PALD1: variants seen among roughly 807,000 people sequenced by gnomAD.
PALD1 encodes the protein phosphatase domain containing paladin 1, also known as paladin.
Under a neutral mutation model 96.0 loss-of-function variants are expected in PALD1, and 57 were observed. The observed-to-expected ratio is 0.59, with a 90% CI of 0.48 to 0.74. PALD1 has a LOEUF of 0.74. PALD1 is among the 30% of genes least tolerant of loss of function. PALD1 has a pLI of 0.00. For synonymous variants in PALD1, 464 were observed against 473.6 expected (o/e 0.98, Z 0.26); for missense variants, 1,063 against 1,143.7 (o/e 0.93, Z 1.02).
chr10:70,566,426 A>G (rs1238130972), intron 19 of PALD1, among the ~76,000 whole-genome samples, 155 bp from the exon 20 acceptor site: 1 of 152,094 alleles, frequency 6.6e-6, no homozygotes, highest in East Asian at 1.9e-4. Flanking sequence ...CCTTGCTATG[A>G]GGAAACTGAC....
In PALD1 at chr10:70,537,902, A is replaced by G; in HGVS notation, c.1319A>G (p.Glu440Gly). Residue 440 changes from glutamate (E) to glycine (G), a missense_variant, in exon 11 of 20, where the codon GAG (glutamate) becomes GGG (glycine). Coordinates refer to ENST00000263563, the MANE Select transcript of PALD1 (RefSeq NM_014431.3). ...YLILFNYYLHEQYPLAFALSF... is the reference protein window; with the variant it reads ...YLILFNYYLHGQYPLAFALSF... Reference sequence around the variant, plus strand: ...ATCCTGTTTAACTACTACCTTCATGAGCAGGTGGGGCCTGGGAGGAGCAGA... The same window carrying G: ...ATCCTGTTTAACTACTACCTTCATGGGCAGGTGGGGCCTGGGAGGAGCAGA... 6.2e-7 allele frequency: 1 copy of G among 1,606,752 alleles called. No individual in the cohort carries two copies. Among genetic ancestry groups the G allele is most frequent in the Non-Finnish European group, 8.5e-7 (1 of 1,173,458 alleles).
chr10:70,469,664 C>T, the PALD1 span, among the ~76,000 whole-genome samples: 1 of 151,816 alleles, frequency 6.6e-6, no homozygotes, highest in African/African-American at 2.4e-5. Flanking sequence ...TCAGCTAGCA[C>T]CACAAGAAAG....
At chr10:70,475,688 T>C (rs1312877847), upstream of PALD1, among the ~76,000 whole-genome samples, 1 of 152,196 alleles carries the variant, frequency 6.6e-6, no homozygotes, top group Non-Finnish European at 1.5e-5. Context: ...AAATCATTTT[T>C]GGCTTGAGTG....
chr10:70,501,426 C>T (rs4746041), intron 1 of PALD1, among the ~76,000 whole-genome samples: 44,328 of 152,088 alleles, frequency 0.29, 7,066 homozygotes, highest in East Asian at 0.47. Flanking sequence ...TGCAGGAGAG[C>T]GAGGCTCAGA....
chr10:70,495,115 G>T (rs572427649), intron 1 of PALD1, among the ~76,000 whole-genome samples: 4 of 152,172 alleles, frequency 2.6e-5, no homozygotes, highest in African/African-American at 9.7e-5. Context: ...TCTTCCCACC[G>T]CAGGGCATCT....
intron 4 of PALD1, 37 bp from the exon 5 acceptor site, chr10:70,531,253 A>G (rs1354865584): frequency 1.3e-6 from 2 of 1,590,532 alleles, no homozygotes; most frequent in East Asian, 2.2e-5. Context: ...GTGCGGGATC[A>G]TGATGATGGC....
chr10:70,509,045 C>T (rs1294261783), intron 1 of PALD1, among the ~76,000 whole-genome samples: 3 of 152,198 alleles, frequency 2.0e-5, no homozygotes, highest in Non-Finnish European at 4.4e-5. Context: ...GCCACTCGGC[C>T]CTCTGCCGTC....
intron 18 of PALD1, among the ~76,000 whole-genome samples, chr10:70,548,043 C>A (rs1352028643): frequency 6.6e-6 from 1 of 152,104 alleles, no homozygotes; most frequent in African/African-American, 2.4e-5. Context: ...CAGTGGCTCA[C>A]CCCTGTAATC....
chr10:70,562,145 A>AT (rs779759507), intron 18 of PALD1, among the ~76,000 whole-genome samples: 109 of 152,266 alleles, frequency 7.2e-4, no homozygotes, highest in South Asian at 1.5e-3. Flanking sequence ...GTGAGTTTAA[A>AT]TGGCAGAACC....
At chr10:70,557,930 C>CTTTTTTT (rs781513750) in intron 18 of PALD1, among the ~76,000 whole-genome samples, 12,784 of 92,286 alleles carry the variant, frequency 0.14, 2,045 homozygotes, top group Non-Finnish European at 0.18. Context: ...TTGGCTCTTC[C>CTTTTTTT]TTTTTTTTTT....
intron 1 of PALD1, among the ~76,000 whole-genome samples, chr10:70,500,955 T>C (rs1357478832): frequency 6.6e-6 from 1 of 152,206 alleles, no homozygotes; most frequent in African/African-American, 2.4e-5. Context: ...CCTTGGCCTC[T>C]GTATGCCCAC....
At chr10:70,521,580 T>C (rs967072804) in intron 1 of PALD1, among the ~76,000 whole-genome samples, 6 of 152,072 alleles carry the variant, frequency 3.9e-5, no homozygotes, top group African/African-American at 1.4e-4. Flanking sequence ...TCGCCCAGGC[T>C]GAAGTGCAGT....
rs746851181 is a variant in PALD1 at position 70,531,464 on chromosome 10, A to C, written c.633+10A>C. 12 of 1,608,702 alleles carry C rather than the reference A, an allele frequency of 7.5e-6. No individual in the cohort carries two copies. Among genetic ancestry groups the C allele is most frequent in the Non-Finnish European group, 1.0e-5 (12 of 1,176,474 alleles). Reference sequence around the variant, plus strand: ...GGCCATCCGGAAAGAGGTGAGGACCAGTGCGGTGTGCGGGAGACCCCAGCC... The same window carrying C: ...GGCCATCCGGAAAGAGGTGAGGACCCGTGCGGTGTGCGGGAGACCCCAGCC... On this transcript the variant is annotated intron_variant, in intron 5 of 19. Transcript: ENST00000263563.
intron 10 of PALD1, among the ~76,000 whole-genome samples, 161 bp from the exon 11 acceptor site, chr10:70,537,650 G>C (rs369286114): frequency 7.0e-4 from 107 of 152,372 alleles, no homozygotes; most frequent in Middle Eastern, 3.4e-3. Flanking sequence ...GATAGGGTGA[G>C]ACACTTAGAA....
At chr10:70,531,984 A>G (rs1052021466) in intron 5 of PALD1, among the ~76,000 whole-genome samples, 1 of 151,040 alleles carries the variant, frequency 6.6e-6, no homozygotes, top group Admixed American at 6.6e-5. Context: ...CTCTTTCTAA[A>G]AAAAAAAAAA....
At position 70,509,947 on chromosome 10, in the gene PALD1, C is replaced by T. The variant is rs560689822; in HGVS notation, c.-29-15976C>T. ...ATGTCTGAAAACCACCCATCTATCT[C>T]GTCCAGATGGAAATAAGCGTGGGCT... On this transcript the variant is annotated intron_variant, in intron 1 of 19. Transcript: ENST00000263563. 2.3e-3 allele frequency among the ~76,000 whole-genome samples: 349 copies of T among 152,316 alleles called. 1 individual carries two copies. Among genetic ancestry groups the T allele is most frequent in the African/African-American group, 8.2e-3 (342 of 41,560 alleles).
chr10:70,560,067 G>A (rs1352429363), intron 18 of PALD1, among the ~76,000 whole-genome samples: 3 of 152,192 alleles, frequency 2.0e-5, no homozygotes, highest in Admixed American at 6.5e-5. Context: ...GACAGCCCCT[G>A]CCTTGATGAA....
intron 1 of PALD1, among the ~76,000 whole-genome samples, chr10:70,479,818 T>C (rs1016185901): frequency 2.6e-5 from 4 of 152,178 alleles, no homozygotes; most frequent in African/African-American, 9.7e-5. Flanking sequence ...GCCGAGCACC[T>C]CTTAAATGCC....
chr10:70,461,166 T>C, the PALD1 span, among the ~76,000 whole-genome samples: 1 of 152,258 alleles, frequency 6.6e-6, no homozygotes, highest in African/African-American at 2.4e-5. Flanking sequence ...TAGAGTGTGA[T>C]GTGAGTGTTC....
Sources: gnomAD v4.1 joint callset for allele counts (sites outside exome capture counted in the v4.1 genomes callset) on GRCh38, gnomAD v4.1.1 for gene constraint, MANE v1.5 for transcripts, NCBI Gene and HGNC (gene_info 2026-07-23, HGNC 2026-07-21) for gene names.